RBFOX1: variants seen among roughly 807,000 people sequenced by gnomAD.
The protein encoded by RBFOX1 is RNA binding protein fox-1 homolog 1.
A neutral mutation model predicts 57.7 loss-of-function variants in RBFOX1; 8 were observed. That is an observed-to-expected ratio of 0.14 (90% CI 0.08 to 0.25). The LOEUF (loss-of-function observed/expected upper bound fraction) is 0.25, where lower values mean the gene tolerates loss of function less well. RBFOX1 is among the 10% of genes least tolerant of loss of function. The pLI is 1.00. For missense variants in RBFOX1, 611 were observed against 548.5 expected (o/e 1.11, Z -1.14); for synonymous variants, 326 against 222.4 (o/e 1.47, Z -4.15).
intron 1 of RBFOX1, among the ~76,000 whole-genome samples, chr16:6,316,174 C>G (rs370184498): frequency 6.6e-6 from 1 of 150,768 alleles, no homozygotes; most frequent in Admixed American, 6.7e-5. Flanking sequence ...AAGTCAGTAT[C>G]CCAACCCCCT....
intron 4 of RBFOX1, among the ~76,000 whole-genome samples, chr16:7,308,300 T>TG: frequency 6.7e-6 from 1 of 149,506 alleles, no homozygotes; most frequent in African/African-American, 2.5e-5. Context: ...CAGAGCTGTT[T>TG]TTTTTTTTTT....
chr16:6,911,982 A>G (rs2071742301), intron 3 of RBFOX1, among the ~76,000 whole-genome samples: 1 of 152,218 alleles, frequency 6.6e-6, no homozygotes, highest in African/African-American at 2.4e-5. Context: ...AGAAAGAACA[A>G]GAATAAAGAT....
chr16:6,031,426 G>T lies in RBFOX1; in HGVS notation c.-127+11434G>T, dbSNP rs547633296. ...CCTGTGTTATTTTTGAGATGGGGAA[G>T]ATCTTAACTAGTACCATCCTTTATA... On this transcript the variant is annotated intron_variant, in intron 1 of 15. Transcript: ENST00000550418. 3.9e-5 allele frequency among the ~76,000 whole-genome samples: 6 copies of T among 152,326 alleles called. No individual in the cohort carries two copies. In the East Asian group the frequency reaches 1.2e-3, roughly 29 times the overall value.
chr16:5,641,283 C>T (rs1001822399), intron 3 of RBFOX1, among the ~76,000 whole-genome samples: 15 of 152,174 alleles, frequency 9.9e-5, no homozygotes, highest in Non-Finnish European at 2.1e-4. Context: ...GTTCTAGGTG[C>T]TGAGAATACA....
chr16:6,457,559 C>T (rs187132800), intron 2 of RBFOX1, among the ~76,000 whole-genome samples: 16 of 152,070 alleles, frequency 1.1e-4, no homozygotes, highest in Admixed American at 9.2e-4. Context: ...TGAGCTCTAG[C>T]TCCCATCACC....
chr16:6,809,457 C>T (rs2087848388), intron 3 of RBFOX1, among the ~76,000 whole-genome samples: 1 of 151,956 alleles, frequency 6.6e-6, no homozygotes, highest in African/African-American at 2.4e-5. Flanking sequence ...TTATGGGGTA[C>T]CTGAGATACA....
intron 3 of RBFOX1, among the ~76,000 whole-genome samples, chr16:7,051,617 A>G (rs568925197): frequency 6.6e-6 from 1 of 152,222 alleles, no homozygotes; most frequent in Non-Finnish European, 1.5e-5. Context: ...GACAACTGAC[A>G]CTACTGGCCC....
At chr16:7,369,697 C>T (rs1368127980) in intron 4 of RBFOX1, among the ~76,000 whole-genome samples, 13 of 152,086 alleles carry the variant, frequency 8.5e-5, no homozygotes, top group Admixed American at 8.5e-4. Context: ...GGGCTATTTG[C>T]CATGGTGTCT....
chr16:6,914,031 C>CA (rs2072436246), intron 3 of RBFOX1, among the ~76,000 whole-genome samples: 1 of 152,072 alleles, frequency 6.6e-6, no homozygotes, highest in Admixed American at 6.5e-5. Context: ...AAACATTAAG[C>CA]AAAAAATAGT....
chr16:7,199,428 A>C (rs2152708051), intron 4 of RBFOX1, among the ~76,000 whole-genome samples: 1 of 152,326 alleles, frequency 6.6e-6, no homozygotes, highest in Admixed American at 6.5e-5. Flanking sequence ...TGCACTTCAA[A>C]ATGTCTTTGG....
chr16:7,582,921 G>A (rs529055761), intron 6 of RBFOX1, among the ~76,000 whole-genome samples: 34 of 152,300 alleles, frequency 2.2e-4, no homozygotes, highest in African/African-American at 7.9e-4. Flanking sequence ...AAACTTGGCA[G>A]TGATCATTAC....
intron 1 of RBFOX1, among the ~76,000 whole-genome samples, chr16:5,390,489 G>A (rs494713): frequency 0.8 from 121,104 of 151,956 alleles, 48,565 homozygotes; most frequent in African/African-American, 0.89. Context: ...GGGTTTCACC[G>A]TGTTGGCCAG....
chr16:6,630,280 C>T (rs1218361456), intron 2 of RBFOX1, among the ~76,000 whole-genome samples: 1 of 152,006 alleles, frequency 6.6e-6, no homozygotes, highest in Non-Finnish European at 1.5e-5. Flanking sequence ...CTGCCCACAC[C>T]CAAGGAATGG....
intron 1 of RBFOX1, among the ~76,000 whole-genome samples, chr16:5,251,602 A>C (rs1373452821): frequency 6.6e-6 from 1 of 152,154 alleles, no homozygotes; most frequent in Admixed American, 6.5e-5. Context: ...AATTACTTTT[A>C]TATTAAAGCC....
intron 2 of RBFOX1, among the ~76,000 whole-genome samples, chr16:5,583,269 T>C (rs2046732791): frequency 6.6e-6 from 1 of 152,220 alleles, no homozygotes; most frequent in Non-Finnish European, 1.5e-5. Flanking sequence ...TCCATACTTC[T>C]ATATTTGAGT....
intron 13 of RBFOX1, among the ~76,000 whole-genome samples, chr16:7,673,907 A>C (rs2072431674): frequency 6.6e-6 from 1 of 152,190 alleles, no homozygotes; most frequent in Non-Finnish European, 1.5e-5. Context: ...ACCAGGTTCA[A>C]CATGAACATG....
At chr16:6,811,290 C>T (rs1034180539) in intron 3 of RBFOX1, among the ~76,000 whole-genome samples, 3 of 152,114 alleles carry the variant, frequency 2.0e-5, no homozygotes, top group African/African-American at 7.2e-5. Context: ...AATAGAATTA[C>T]CTCTCAACTT....
At chr16:5,769,897 A>G (rs1392187319) in intron 3 of RBFOX1, among the ~76,000 whole-genome samples, 1 of 152,178 alleles carries the variant, frequency 6.6e-6, no homozygotes, top group Non-Finnish European at 1.5e-5. Context: ...ACCGTAGGAA[A>G]TTCATGCAGG....
At chr16:5,969,565 G>T (rs192253629) in intron 4 of RBFOX1, among the ~76,000 whole-genome samples, 1 of 148,002 alleles carries the variant, frequency 6.8e-6, no homozygotes, top group Non-Finnish European at 1.5e-5. Context: ...CTCATGATCC[G>T]CCTGCCTCAA....
Sources: gnomAD v4.1 joint callset for allele counts (sites outside exome capture counted in the v4.1 genomes callset) on GRCh38, gnomAD v4.1.1 for gene constraint, MANE v1.5 for transcripts, NCBI Gene and HGNC (gene_info 2026-07-23, HGNC 2026-07-21) for gene names.